Variants in POLN observed in about 807,000 individuals in gnomAD.
The protein encoded by POLN is DNA polymerase N.
Under a neutral mutation model 113.5 loss-of-function variants are expected in POLN, and 108 were observed. The ratio of observed to expected loss-of-function variants is 0.95; its 90% CI spans 0.81 to 1.12. The LOEUF (loss-of-function observed/expected upper bound fraction) is 1.12, where lower values mean the gene tolerates loss of function less well. POLN is among the 50% of genes most tolerant of loss of function. The pLI is 0.00. For synonymous variants in POLN, 386 were observed against 391.5 expected, an observed-to-expected ratio of 0.99 and a Z score of 0.17; for missense variants, 1,097 against 1,077.1, an observed-to-expected ratio of 1.02 and a Z score of -0.26.
intron 16 of POLN, among the ~76,000 whole-genome samples, chr4:2,135,310 A>G (rs1191417073): frequency 2.6e-5 from 4 of 152,196 alleles, no homozygotes; most frequent in Non-Finnish European, 5.9e-5. Context: ...TTTCTTCTGT[A>G]ACCAACCTTC....
At chr4:2,085,851 G>A (rs1730537842) in intron 20 of POLN, 107 bp from the exon 21 acceptor site, 1 of 1,476,164 alleles carries the variant, frequency 6.8e-7, no homozygotes, top group Non-Finnish European at 9.2e-7. Context: ...TTTTCTGATG[G>A]GTTGGGATGG....
chr4:2,149,685 A>C (rs977651142), intron 16 of POLN, among the ~76,000 whole-genome samples: 1 of 152,148 alleles, frequency 6.6e-6, no homozygotes, highest in Non-Finnish European at 1.5e-5. Flanking sequence ...ACTCTGAAGG[A>C]TGAGGCAGAA....
intron 2 of POLN, 131 bp downstream of exon 2, chr4:2,241,384 GTTTTT>G: frequency 3.8e-6 from 2 of 522,972 alleles, no homozygotes; most frequent in Non-Finnish European, 4.9e-6. Context: ...AGCAGCATTT[GTTTTT>G]AATTCAAAAT....
intron 16 of POLN, among the ~76,000 whole-genome samples, chr4:2,141,574 C>A (rs149504856): frequency 2.0e-5 from 3 of 152,326 alleles, no homozygotes; most frequent in East Asian, 1.9e-4. Flanking sequence ...CTCAGCACGG[C>A]CAGCATCTGG....
At chr4:2,222,901 T>A (rs1357490109) in intron 3 of POLN, among the ~76,000 whole-genome samples, 1 of 152,152 alleles carries the variant, frequency 6.6e-6, no homozygotes, top group East Asian at 1.9e-4. Context: ...CCACAACTTG[T>A]GATGAGGTCA....
intron 23 of POLN, chr4:2,080,668 T>A: frequency 7.6e-7 from 1 of 1,322,356 alleles, no homozygotes; most frequent in Non-Finnish European, 9.7e-7. Flanking sequence ...GTGGGCAGCC[T>A]CAAGGGGTGC....
At position 2,126,682 on chromosome 4, in the gene POLN, G is replaced by C. The variant is rs1428947425; in HGVS notation, c.1982+1431C>G. Among the ~76,000 whole-genome samples the C allele has an allele frequency of 1.3e-5, 2 of 152,152 alleles. No individual in the cohort carries two copies. Among genetic ancestry groups the C allele is most frequent in the African/African-American group, 4.8e-5 (2 of 41,444 alleles). ...CAGCATCAGGGGAGGGTGGTCAGGG[G>C]AGGGCCCTGAGGAGACGCCGGGAGG... On this transcript the variant is annotated intron_variant, in intron 19 of 25. Transcript: ENST00000511885. The surrounding 1 kb of genome is among the most constrained non-coding windows in gnomAD (Gnocchi z 4.6).
chr4:2,118,505 T>C (rs960481959), intron 19 of POLN, among the ~76,000 whole-genome samples: 1 of 152,224 alleles, frequency 6.6e-6, no homozygotes, highest in South Asian at 2.1e-4. Flanking sequence ...CGTTCTAGCA[T>C]TCTGTTGGCC....
At chr4:2,103,610 C>T (rs1298664248) in intron 19 of POLN, among the ~76,000 whole-genome samples, 1 of 152,044 alleles carries the variant, frequency 6.6e-6, no homozygotes, top group Non-Finnish European at 1.5e-5. Flanking sequence ...CTCAGCAATC[C>T]CCGGGAAAAT....
In POLN at chr4:2,229,091, T is replaced by C; in HGVS notation, c.133+8A>G. Reference sequence around the variant, plus strand: ...CAAGAGAAAGAAAGGTTCATAAAAATTACTTACTCTCTGTACTCTTTCCCC... The same window carrying C: ...CAAGAGAAAGAAAGGTTCATAAAAACTACTTACTCTCTGTACTCTTTCCCC... On this transcript the variant is annotated splice_region_variant and intron_variant, in intron 3 of 25. Coordinates refer to ENST00000511885, the MANE Select transcript of POLN (RefSeq NM_181808.4). 6.4e-7 allele frequency: 1 copy of C among 1,573,200 alleles called. No individual in the cohort carries two copies. Among genetic ancestry groups the C allele is most frequent in the Non-Finnish European group, 8.6e-7 (1 of 1,158,552 alleles).
intron 20 of POLN, among the ~76,000 whole-genome samples, chr4:2,094,372 A>AAAAAAAAAAAAAAAAG (rs1553893365): frequency 5.3e-5 from 8 of 149,774 alleles, no homozygotes; most frequent in South Asian, 2.1e-4. Context: ...CCAAAAAAAA[A>AAAAAAAAAAAAAAAAG]AAAGAAAGAA....
intron 19 of POLN, among the ~76,000 whole-genome samples, chr4:2,098,993 A>G (rs1422298543): frequency 6.6e-6 from 1 of 152,278 alleles, no homozygotes; most frequent in Non-Finnish European, 1.5e-5. Flanking sequence ...AAGAGGTCCC[A>G]ATGGCCAAAG....
chr4:2,080,638 G>A (rs925093871), intron 23 of POLN: 6 of 1,271,020 alleles, frequency 4.7e-6, no homozygotes, highest in African/African-American at 1.5e-5. Context: ...AAGGGGCTGA[G>A]GGGTTCGCCT....
chr4:2,111,612 C>T (rs1425077570), intron 19 of POLN, among the ~76,000 whole-genome samples: 1 of 152,008 alleles, frequency 6.6e-6, no homozygotes, highest in Admixed American at 6.6e-5. Context: ...AAACAGAGAG[C>T]CAAATCATGA....
intron 5 of POLN, among the ~76,000 whole-genome samples, chr4:2,201,126 G>C (rs1174154264): frequency 1.3e-5 from 2 of 151,456 alleles, no homozygotes; most frequent in Non-Finnish European, 2.9e-5. Flanking sequence ...AATTAGCCGG[G>C]CGTGGTGGCA....
At chr4:2,174,595 A>G (rs924126089) in intron 10 of POLN, 96 bp downstream of exon 10, 3 of 1,039,088 alleles carry the variant, frequency 2.9e-6, no homozygotes, top group Non-Finnish European at 4.5e-6. Flanking sequence ...GAGATATACT[A>G]TCTACTCCTA....
intron 13 of POLN, among the ~76,000 whole-genome samples, chr4:2,166,518 C>T (rs375138749): frequency 3.9e-5 from 6 of 152,102 alleles, no homozygotes; most frequent in African/African-American, 9.7e-5. Flanking sequence ...GCATTATTTC[C>T]GGGTGTGTCT....
rs546524310 is a variant in POLN at position 2,207,592 on chromosome 4, T to C, written c.714+395A>G. 7.9e-5 allele frequency among the ~76,000 whole-genome samples: 12 copies of C among 152,114 alleles called. No homozygotes were observed. In the South Asian group the frequency reaches 2.5e-3, roughly 32 times the overall value. On this transcript the variant is annotated intron_variant, in intron 5 of 25. Coordinates refer to ENST00000511885, the MANE Select transcript of POLN (RefSeq NM_181808.4). ...GCAAAAAATTTGAACAGACATTTCA[T>C]CAAAGAAGATATATGAATGGCCAAT... is the stretch of plus-strand genomic sequence containing the variant.
chr4:2,161,439 G>C (rs1732586711), intron 13 of POLN, among the ~76,000 whole-genome samples: 1 of 152,220 alleles, frequency 6.6e-6, no homozygotes, highest in Admixed American at 6.5e-5. Flanking sequence ...GGTGTACTGG[G>C]TCCCCCAGCA....
Sources: gnomAD v4.1 joint callset for allele counts (sites outside exome capture counted in the v4.1 genomes callset) on GRCh38, gnomAD v4.1.1 for gene constraint, Gnocchi (gnomAD v3.1) non-coding constraint, MANE v1.5 for transcripts, NCBI Gene and HGNC (gene_info 2026-07-23, HGNC 2026-07-21) for gene names.